Variants in ZNF423 observed in about 807,000 individuals in gnomAD.
ZNF423 encodes the protein Ebf-associated zinc finger protein.
Under a neutral mutation model 95.8 loss-of-function variants are expected in ZNF423, and 12 were observed. That is an observed-to-expected ratio of 0.13 (90% confidence interval 0.08 to 0.20). ZNF423 has a LOEUF of 0.20. Among genes scored for constraint, ZNF423 ranks in the 10% least tolerant of loss-of-function variants. The pLI, the probability that ZNF423 is intolerant of heterozygous loss-of-function variation, is 1.00. For synonymous variants in ZNF423, 749 were observed against 711.9 expected, an observed-to-expected ratio of 1.05 and a Z score of -0.83; for missense variants, 1,316 against 1,737.1, an observed-to-expected ratio of 0.76 and a Z score of 4.31.
chr16:49,781,031 G>A (rs1421279330), intron 2 of ZNF423, among the ~76,000 whole-genome samples: 9 of 152,228 alleles, frequency 5.9e-5, no homozygotes, highest in African/African-American at 1.9e-4. Context: ...GCAGCTCCAG[G>A]CAAGTATCGT....
intron 3 of ZNF423, among the ~76,000 whole-genome samples, chr16:49,726,217 A>C (rs1257475537): frequency 6.6e-6 from 1 of 152,068 alleles, no homozygotes; most frequent in African/African-American, 2.4e-5. Flanking sequence ...CGGAGCACCC[A>C]CACGCCCTCC....
intron 1 of ZNF423, among the ~76,000 whole-genome samples, chr16:49,819,014 G>A (rs369467562): frequency 2.0e-4 from 30 of 152,102 alleles, no homozygotes; most frequent in African/African-American, 5.1e-4. Flanking sequence ...AGCTCTTTGG[G>A]AGGCTGAGGC....
chr16:49,762,516 AC>A (rs1196595746), intron 2 of ZNF423, among the ~76,000 whole-genome samples: 4 of 152,212 alleles, frequency 2.6e-5, no homozygotes, highest in African/African-American at 9.6e-5. Context: ...AGACAAGAGG[AC>A]TAATGTTCAT....
chr16:49,644,125 G>A (rs1461913736), intron 3 of ZNF423, among the ~76,000 whole-genome samples: 1 of 152,200 alleles, frequency 6.6e-6, no homozygotes, highest in Non-Finnish European at 1.5e-5. Context: ...CTCGGGCCAA[G>A]GCAGGAGAGT....
chr16:49,589,762 T>C (rs1016379651), intron 5 of ZNF423, among the ~76,000 whole-genome samples: 3 of 152,066 alleles, frequency 2.0e-5, no homozygotes, highest in Middle Eastern at 3.2e-3. Flanking sequence ...CCAGTTGTGA[T>C]GACACTGAAG....
chr16:49,819,793 G>A (rs2034912486), intron 1 of ZNF423, among the ~76,000 whole-genome samples: 1 of 152,086 alleles, frequency 6.6e-6, no homozygotes, highest in Non-Finnish European at 1.5e-5. Flanking sequence ...ACGTGCAATG[G>A]TTCAACCTCA....
chr16:49,495,938 T>G (rs1967150733), intron 7 of ZNF423, among the ~76,000 whole-genome samples: 1 of 152,194 alleles, frequency 6.6e-6, no homozygotes, highest in South Asian at 2.1e-4. Context: ...CCATGTCAAG[T>G]GGGAGAGACG....
Position 49,637,766 on chromosome 16 carries a change from C to T in ZNF423, c.1410G>A (p.Lys470=), listed in dbSNP as rs1224683920. ...TLYNLNEHVR[K]LHKNHAYPVM... is the part of the protein sequence containing the mutation. ...CAGGGTAGGCATGGTTCTTGTGCAG[C>T]TTGCGAACGTGCTCGTTGAGGTTGT... Residue 470 remains lysine (K), a synonymous_variant, in exon 4 of 8, where the codon AAG becomes AAA. Coordinates refer to ENST00000563137, the MANE Select transcript of ZNF423 (RefSeq NM_001379286.1). This position sits in a 1 kb window ranked among gnomAD's most constrained non-coding sequence, Gnocchi z 5.6. The T allele has an allele frequency of 1.9e-6, 3 of 1,614,126 alleles. No individual in the cohort carries two copies. The highest frequency in any genetic ancestry group is 1.3e-5 in the African/African-American group (1 of 75,058).
chr16:49,737,658 G>A (rs2033319294), intron 2 of ZNF423, among the ~76,000 whole-genome samples: 1 of 152,218 alleles, frequency 6.6e-6, no homozygotes, highest in Non-Finnish European at 1.5e-5. Context: ...CAGGAAAAGG[G>A]GAACGGGGAG....
At chr16:49,536,084 A>G (rs1969045459) in intron 5 of ZNF423, among the ~76,000 whole-genome samples, 1 of 152,218 alleles carries the variant, frequency 6.6e-6, no homozygotes, top group Non-Finnish European at 1.5e-5. Context: ...ATGTGTCAAA[A>G]AGCCTGACAG....
At position 49,721,131 on chromosome 16, in the gene ZNF423, T is replaced by G. The variant is rs192023183; in HGVS notation, c.301+9640A>C. Among the ~76,000 whole-genome samples, 6 of 152,302 alleles carry G rather than the reference T, an allele frequency of 3.9e-5. No homozygotes were observed. The East Asian group carries it at 1.2e-3, about 29-fold the overall frequency. ...CTCTGGAGGCCCTGGAGGACCAAGC[T>G]TGAGGCCAGCCTTACATCTGCATTT... is the stretch of plus-strand genomic sequence containing the variant. On this transcript the variant is annotated intron_variant, in intron 3 of 7. Transcript: ENST00000563137.
chr16:49,593,070 G>C (rs576793330), intron 5 of ZNF423, among the ~76,000 whole-genome samples: 27 of 152,284 alleles, frequency 1.8e-4, no homozygotes, highest in African/African-American at 6.5e-4. Context: ...GTATGGGGGA[G>C]TGAAGAGAAG....
intron 7 of ZNF423, among the ~76,000 whole-genome samples, chr16:49,493,751 A>C (rs1014513732): frequency 1.3e-4 from 20 of 152,290 alleles, no homozygotes; most frequent in African/African-American, 4.8e-4. Flanking sequence ...TAGGATGTGG[A>C]TATGTGGAAA....
chr16:49,677,563 T>C (rs1427319756), intron 3 of ZNF423, among the ~76,000 whole-genome samples: 2 of 151,936 alleles, frequency 1.3e-5, no homozygotes, highest in African/African-American at 2.4e-5. Flanking sequence ...GGCAGGAGGA[T>C]TGCTTGAGCC....
At chr16:49,677,771 AG>A (rs1231839988) in intron 3 of ZNF423, among the ~76,000 whole-genome samples, 41 of 111,640 alleles carry the variant, frequency 3.7e-4, no homozygotes, top group African/African-American at 1.7e-3. Context: ...AAAAAAAAAG[AG>A]AGAGAGAGAG....
chr16:49,688,386 A>G (rs1388819430), intron 3 of ZNF423, among the ~76,000 whole-genome samples: 1 of 152,192 alleles, frequency 6.6e-6, no homozygotes. Context: ...AATCATTTCA[A>G]CAGAAAAGAC....
chr16:49,636,038 A>G lies in ZNF423; in HGVS notation c.3138T>C (p.His1046=), dbSNP rs749408750. ...CCAGCTTCTGCATGTGGAAGGTGCC[A>G]TGGATCTTGAGCTCAAGCGTGGAAG... ...TVTSTLELKI[H]GTFHMQKLAG... Residue 1046 remains histidine (H), a synonymous_variant, in exon 4 of 8, where the codon CAT becomes CAC. Coordinates refer to ENST00000563137, the MANE Select transcript of ZNF423 (RefSeq NM_001379286.1). The surrounding 1 kb of genome is among the most constrained non-coding windows in gnomAD (Gnocchi z 8.6). The G allele has an allele frequency of 5.0e-6, 8 of 1,612,106 alleles. No individual in the cohort carries two copies. The highest frequency in any genetic ancestry group is 6.8e-6 in the Non-Finnish European group (8 of 1,178,504).
At chr16:49,728,412 C>T (rs1436047704) in intron 3 of ZNF423, among the ~76,000 whole-genome samples, 1 of 152,196 alleles carries the variant, frequency 6.6e-6, no homozygotes, top group Non-Finnish European at 1.5e-5. Context: ...CCTTCCAATG[C>T]TCCAGGATTT....
intron 1 of ZNF423, among the ~76,000 whole-genome samples, chr16:49,849,542 G>A (rs1030128086): frequency 2.0e-5 from 3 of 152,168 alleles, no homozygotes; most frequent in African/African-American, 7.2e-5. Flanking sequence ...ACTGAAATGT[G>A]AATGAGTTGA....
Sources: gnomAD v4.1 joint callset for allele counts (sites outside exome capture counted in the v4.1 genomes callset) on GRCh38, gnomAD v4.1.1 for gene constraint, Gnocchi (gnomAD v3.1) non-coding constraint, MANE v1.5 for transcripts, NCBI Gene and HGNC (gene_info 2026-07-23, HGNC 2026-07-21) for gene names.